The following ABCC10 variants were observed in gnomAD, a reference collection of about 807,000 sequenced individuals.
ABCC10 encodes the protein ATP binding cassette subfamily C member 10, also known as ATP-binding cassette sub-family C member 10.
ABCC10 carries 110 observed loss-of-function variants against 143.2 expected under a neutral mutation model. The observed-to-expected ratio is 0.77, with a 90% CI of 0.66 to 0.90. The LOEUF (loss-of-function observed/expected upper bound fraction) is 0.90. Ranked by LOEUF, ABCC10 falls within the 40% of genes least tolerant of loss-of-function variation. The probability of loss-of-function intolerance (pLI) is 0.00; values close to 1 mark genes in which losing one functional copy is unlikely to be tolerated. For missense variants in ABCC10, 1,700 were observed against 1,900.5 expected (o/e 0.89, Z 1.96); for synonymous variants, 805 against 846.7 (o/e 0.95, Z 0.85).
chr6:43,437,735 GA>G (rs1207813285), intron 6 of ABCC10, among the ~76,000 whole-genome samples, 198 bp from the exon 7 acceptor site: 10 of 152,084 alleles, frequency 6.6e-5, no homozygotes, highest in Non-Finnish European at 1.5e-4. Context: ...TCTGAGTGGA[GA>G]AAAAAACACC....
chr6:43,444,490 T>G, intron 12 of ABCC10, 137 bp downstream of exon 12: 1 of 1,197,518 alleles, frequency 8.4e-7, no homozygotes, highest in East Asian at 2.6e-5. Flanking sequence ...TACTCCTAAT[T>G]CTGAGAGATG....
intron 6 of ABCC10, among the ~76,000 whole-genome samples, 158 bp from the exon 7 acceptor site, chr6:43,437,775 CA>C (rs1781907800): frequency 1.3e-5 from 2 of 151,070 alleles, no homozygotes; most frequent in South Asian, 4.2e-4. Flanking sequence ...ATTTGTTGAT[CA>C]GCCTGTGAAG....
At chr6:43,450,630 T>C, downstream of ABCC10, 1 of 1,612,822 alleles carries the variant, frequency 6.2e-7, no homozygotes, top group Non-Finnish European at 8.5e-7. The surrounding 1 kb of genome is among the most constrained non-coding windows in gnomAD (Gnocchi z 4.5). Flanking sequence ...CTCCTGGTCC[T>C]GGCACGCTGG....
downstream of ABCC10, chr6:43,451,972 G>C (rs772154206): frequency 1.2e-6 from 2 of 1,613,996 alleles, no homozygotes; most frequent in East Asian, 2.2e-5. This position sits in a 1 kb window ranked among gnomAD's most constrained non-coding sequence, Gnocchi z 4.4. Flanking sequence ...CCTTGCGCTC[G>C]CAGTCACGCC....
rs761284567 is a variant in ABCC10 at position 43,441,903 on chromosome 6, T to C, written c.2169T>C (p.Gly723=). The change falls in exon 9 of 22, where the codon GGT becomes GGC. Residue 723 remains glycine, a synonymous_variant. Transcript: ENST00000372530. ...ACCAGACAGAGGTGGGGGAGAAGGG[T>C]GTCACCCTTAGCGGAGGACAGCGTG... ...AGDQTEVGEK[G]VTLSGGQRAR... 24 of 1,613,732 alleles carry C rather than the reference T, an allele frequency of 1.5e-5. No homozygotes were observed. The African/African-American group carries it at 2.7e-4, about 18-fold the overall frequency.
intron 16 of ABCC10, 92 bp from the exon 17 acceptor site, chr6:43,447,156 C>T (rs1783183336): frequency 1.4e-6 from 2 of 1,472,658 alleles, no homozygotes; most frequent in Non-Finnish European, 1.8e-6. Context: ...TCTGTTGCTT[C>T]CTTTAAATGC....
chr6:43,427,800 C>T, intron 1 of ABCC10, 43 bp downstream of exon 1: 1 of 705,250 alleles, frequency 1.4e-6, no homozygotes, highest in Non-Finnish European at 2.5e-6. Flanking sequence ...AAACCTCCTC[C>T]CGTTTTTACC....
intron 13 of ABCC10, 45 bp downstream of exon 13, chr6:43,444,983 T>A: frequency 1.3e-6 from 2 of 1,586,356 alleles, no homozygotes; most frequent in Non-Finnish European, 1.7e-6. Flanking sequence ...CTCAGAGTGG[T>A]CGCCAGGCAG....
At chr6:43,451,265 G>T, downstream of ABCC10, 3 of 1,613,780 alleles carry the variant, frequency 1.9e-6, no homozygotes, top group Non-Finnish European at 2.5e-6. The surrounding 1 kb of genome is among the most constrained non-coding windows in gnomAD (Gnocchi z 4.4). Flanking sequence ...CGCCATTGCG[G>T]CATGGGGAGC....
At chr6:43,427,895 G>A (rs1449611560) in intron 1 of ABCC10, 73 bp from the exon 2 acceptor site, 3 of 1,553,760 alleles carry the variant, frequency 1.9e-6, no homozygotes, top group East Asian at 4.5e-5. Flanking sequence ...TGGAGACAGG[G>A]AGACCCGGCT....
In ABCC10 at chr6:43,427,986, G is replaced by C. The variant is rs2127374613; in HGVS notation, c.8G>C (p.Arg3Pro). 3 of 1,611,972 alleles carry C rather than the reference G, an allele frequency of 1.9e-6. No homozygotes were observed. The highest frequency in any genetic ancestry group is 2.5e-6 in the Non-Finnish European group (3 of 1,179,528). The change falls in exon 2 of 22, where the codon CGA becomes CCA. Residue 3 changes from arginine to proline, a missense_variant. By Grantham distance (103) the Arg-to-Pro change is moderately radical. Coordinates refer to ENST00000372530, the MANE Select transcript of ABCC10 (RefSeq NM_001198934.2). ...CCTTCAGGTGAGGCGTCCATGGAAC[G>C]ACTTCTGGCCCAGCTGTGCGGCAGC... is the stretch of plus-strand genomic sequence containing the variant. MERLLAQLCGSSA... is the reference protein window; with the variant it reads MEPLLAQLCGSSA...
chr6:43,427,804 T>G, intron 1 of ABCC10, 47 bp downstream of exon 1: 1 of 739,592 alleles, frequency 1.4e-6, no homozygotes, highest in Non-Finnish European at 2.3e-6. Context: ...CTCCTCCCGT[T>G]TTTACCCTTG....
At position 43,433,123 on chromosome 6, in the gene ABCC10, G is replaced by A; in HGVS notation, c.1143G>A (p.Leu381=). Residue 381 remains leucine, a synonymous_variant, in exon 3 of 22, where the codon CTG becomes CTA. Coordinates refer to ENST00000372530, the MANE Select transcript of ABCC10 (RefSeq NM_001198934.2). ...GCCGCCCTCCTACTGGGGAGGCCCT[G>A]AACCTACTAGGCACTGACTCTGAAC... ...GPSRPPTGEA[L]NLLGTDSERL... is the part of the protein sequence containing the mutation. The A allele has an allele frequency of 6.2e-7, 1 of 1,614,168 alleles. No homozygotes were observed. The highest frequency in any genetic ancestry group is 1.1e-5 in the South Asian group (1 of 91,090).
Position 43,448,943 on chromosome 6 carries a change from T to C in ABCC10, c.4022T>C (p.Leu1341Pro). 1 of 1,614,190 alleles carries C rather than the reference T, an allele frequency of 6.2e-7. No homozygotes were observed. The highest frequency in any genetic ancestry group is 8.5e-7 in the Non-Finnish European group (1 of 1,180,012). The stretch of plus-strand genomic sequence containing the variant: ...TTCAGTGGGACTGTTCGGGAAAACC[T>C]GGACCCCCAGGGCCTACATAAGGAC... ...FLFSGTVRENLDPQGLHKDRA... is the reference protein window; with the variant it reads ...FLFSGTVRENPDPQGLHKDRA... Residue 1341 changes from leucine to proline, a missense_variant, in exon 19 of 22, where the codon CTG (leucine) becomes CCG (proline). Physicochemically the swap from Leu to Pro is moderately conservative, Grantham distance 98. Transcript: ENST00000372530.
chr6:43,448,483 C>A (rs1460717280), intron 18 of ABCC10, among the ~76,000 whole-genome samples: 2 of 152,188 alleles, frequency 1.3e-5, no homozygotes, highest in East Asian at 1.9e-4. Context: ...GTCTTCAGGA[C>A]CCAATTCTAG....
intron 16 of ABCC10, 76 bp downstream of exon 16, chr6:43,446,522 T>C: frequency 1.3e-6 from 2 of 1,491,378 alleles, no homozygotes; most frequent in Non-Finnish European, 1.8e-6. Context: ...CCCTGCACCA[T>C]CCCCCCAACA....
intron 7 of ABCC10, 177 bp downstream of exon 7, chr6:43,438,190 G>A: frequency 1.1e-6 from 1 of 914,168 alleles, no homozygotes; most frequent in Non-Finnish European, 1.6e-6. Flanking sequence ...GCGAATCATT[G>A]TAATCATTAC....
chr6:43,445,387 C>A, intron 14 of ABCC10, 73 bp downstream of exon 14: 3 of 1,505,526 alleles, frequency 2.0e-6, no homozygotes, highest in Non-Finnish European at 2.7e-6. Flanking sequence ...AATACTCGGG[C>A]TCCACTGGGG....
rs141031924 is a variant in ABCC10 at position 43,447,135 on chromosome 6, C to T, written c.3545-113C>T. ...TGCTGGAATTACAGGCGTGAGCCAC[C>T]GCGCCCAGCCTCTGTTGCTTCCTTT... is the stretch of plus-strand genomic sequence containing the variant. On this transcript the variant is annotated intron_variant, in intron 16 of 21. Transcript: ENST00000372530. 474 of 1,366,624 alleles carry T rather than the reference C, an allele frequency of 3.5e-4. 1 individual carries two copies. The East Asian group carries it at 9.2e-3, about 27-fold the overall frequency. The allele number at this position is 1,366,624 out of a possible 1,614,324, so 84.7% of individuals were successfully genotyped here. A position where few individuals can be genotyped will look rare whatever the true frequency, so the allele number is the denominator to read the frequency against.
Sources: gnomAD v4.1 joint callset for allele counts (sites outside exome capture counted in the v4.1 genomes callset) on GRCh38, gnomAD v4.1.1 for gene constraint, Gnocchi (gnomAD v3.1) non-coding constraint, MANE v1.5 for transcripts, NCBI Gene and HGNC (gene_info 2026-07-23, HGNC 2026-07-21) for gene names.